PTPRM: variants seen among roughly 807,000 people sequenced by gnomAD.
The protein encoded by PTPRM is protein tyrosine phosphatase receptor type M, also known as receptor-type tyrosine-protein phosphatase mu.
A neutral mutation model predicts 186.7 loss-of-function variants in PTPRM; 47 were observed. The observed-to-expected ratio is 0.25, with a 90% CI of 0.20 to 0.32. The LOEUF (loss-of-function observed/expected upper bound fraction) is 0.32. Ranked by LOEUF, PTPRM falls within the 10% of genes least tolerant of loss-of-function variation. The pLI is 1.00. For synonymous variants in PTPRM, 668 were observed against 674.9 expected (o/e 0.99, Z 0.16); for missense variants, 1,494 against 1,865.0 (o/e 0.80, Z 3.66).
chr18:8,355,807 A>G (rs2095560442), intron 23 of PTPRM, among the ~76,000 whole-genome samples: 1 of 152,230 alleles, frequency 6.6e-6, no homozygotes, highest in South Asian at 2.1e-4. Flanking sequence ...AGGCTTACAA[A>G]AGATAGGAAA....
chr18:8,387,703 T>C (rs1305312339), intron 31 of PTPRM, among the ~76,000 whole-genome samples: 3 of 152,006 alleles, frequency 2.0e-5, no homozygotes, highest in African/African-American at 4.8e-5. Flanking sequence ...GATTATTCAA[T>C]TGGAAATCAT....
chr18:8,126,027 A>ATATATATTTTTTTT (rs57751538), intron 13 of PTPRM, among the ~76,000 whole-genome samples: 17 of 69,516 alleles, frequency 2.4e-4, no homozygotes, highest in African/African-American at 2.8e-4. Flanking sequence ...ATATATATAT[A>ATATATATTTTTTTT]TTTTAAATCA....
intron 2 of PTPRM, among the ~76,000 whole-genome samples, chr18:7,882,525 G>C (rs2048563482): frequency 1.3e-5 from 2 of 152,204 alleles, no homozygotes; most frequent in South Asian, 4.2e-4. Context: ...AAATTTAAAG[G>C]CATGGTCATA....
chr18:7,646,001 C>T (rs1288024203), intron 1 of PTPRM, among the ~76,000 whole-genome samples: 5 of 152,130 alleles, frequency 3.3e-5, no homozygotes, highest in Non-Finnish European at 7.4e-5. Flanking sequence ...TGCCCACAAC[C>T]TTTAGCCAGC....
At position 8,310,051 on chromosome 18, in the gene PTPRM, T is replaced by C. The variant is rs370460635; in HGVS notation, c.2843-4730T>C. 2.0e-5 allele frequency among the ~76,000 whole-genome samples: 3 copies of C among 152,166 alleles called. No homozygotes were observed. In the South Asian group the frequency reaches 6.2e-4, roughly 32 times the overall value. The stretch of plus-strand genomic sequence containing the variant: ...ATCACCCACCCCAAGCTGGCTTTTC[T>C]CCATGGTTCACATCTTAGTCAATGG... On this transcript the variant is annotated intron_variant, in intron 20 of 32. Coordinates refer to ENST00000580170, the MANE Select transcript of PTPRM (RefSeq NM_001105244.2).
intron 1 of PTPRM, among the ~76,000 whole-genome samples, chr18:7,647,110 G>C (rs2038583951): frequency 6.6e-6 from 1 of 152,112 alleles, no homozygotes; most frequent in Non-Finnish European, 1.5e-5. Context: ...AATGAATTCA[G>C]GGTACCATTT....
At position 8,406,183 on chromosome 18, in the gene PTPRM, A is replaced by G; in HGVS notation, c.*21A>G. The G allele has an allele frequency of 6.2e-7, 1 of 1,610,518 alleles. No individual in the cohort carries two copies. Among genetic ancestry groups the G allele is most frequent in the Non-Finnish European group, 8.5e-7 (1 of 1,177,072 alleles). ...GCTGATGGTGTAAACAGCTCTGCAAACAATCCCTTTCATACCACAAAGCCA... is the reference window on the plus strand; with the variant it reads ...GCTGATGGTGTAAACAGCTCTGCAAGCAATCCCTTTCATACCACAAAGCCA... On this transcript the variant is annotated 3_prime_UTR_variant, in exon 33 of 33. Coordinates refer to ENST00000580170, the MANE Select transcript of PTPRM (RefSeq NM_001105244.2).
chr18:7,896,936 G>A (rs1345007829), intron 3 of PTPRM, among the ~76,000 whole-genome samples: 1 of 152,158 alleles, frequency 6.6e-6, no homozygotes, highest in African/African-American at 2.4e-5. Context: ...TTTCTTTGCT[G>A]TATTTGCCTT....
chr18:8,135,949 GT>G lies in PTPRM; in HGVS notation c.2168-7693del, dbSNP rs532632727. On this transcript the variant is annotated intron_variant, in intron 13 of 32. Transcript: ENST00000580170. ...CAGACAGCAGGAAAAGCTCTAAGTG[GT>G]TTTTGCAAACAACAACTACTTTGTG... 5.9e-5 allele frequency among the ~76,000 whole-genome samples: 9 copies of G among 152,316 alleles called. No homozygotes were observed. In the South Asian group the frequency reaches 1.9e-3, roughly 32 times the overall value.
intron 22 of PTPRM, among the ~76,000 whole-genome samples, chr18:8,323,360 C>A (rs985903253): frequency 6.6e-6 from 1 of 152,062 alleles, no homozygotes; most frequent in Non-Finnish European, 1.5e-5. Context: ...TGCATGCTCA[C>A]CCCCCAAAAC....
chr18:7,866,577 T>C (rs879690242), intron 2 of PTPRM, among the ~76,000 whole-genome samples: 1 of 152,250 alleles, frequency 6.6e-6, no homozygotes, highest in Non-Finnish European at 1.5e-5. Flanking sequence ...TCCGTTCTTT[T>C]GCATATGCTG....
In PTPRM at chr18:8,260,996, TTG is replaced by T. The variant is rs200905853; in HGVS notation, c.2754+7586_2754+7587del. Among the ~76,000 whole-genome samples, 189 of 152,282 alleles carry T rather than the reference TTG, an allele frequency of 1.2e-3. 5 individuals carry two copies. The East Asian group carries it at 0.031, about 25-fold the overall frequency. On this transcript the variant is annotated intron_variant, in intron 19 of 32. Coordinates refer to ENST00000580170, the MANE Select transcript of PTPRM (RefSeq NM_001105244.2). ...AGGGGCAGGTGGAATCAAAGGCGCT[TTG>T]TGTTACTCAGCTGACAGAACATTGC...
At chr18:8,334,749 A>G (rs1452975294) in intron 22 of PTPRM, among the ~76,000 whole-genome samples, 1 of 152,184 alleles carries the variant, frequency 6.6e-6, no homozygotes, top group Non-Finnish European at 1.5e-5. Context: ...GTTTTGTTCA[A>G]TGGAAAGAGT....
chr18:8,347,550 T>C lies in PTPRM; in HGVS notation c.3054+4030T>C, dbSNP rs538919662. 3.0e-4 allele frequency among the ~76,000 whole-genome samples: 46 copies of C among 152,278 alleles called. No homozygotes were observed. The East Asian group carries it at 8.5e-3, about 28-fold the overall frequency. On this transcript the variant is annotated intron_variant, in intron 23 of 32. Coordinates refer to ENST00000580170, the MANE Select transcript of PTPRM (RefSeq NM_001105244.2). The stretch of plus-strand genomic sequence containing the variant: ...CAGGTTTCATTCAGAGCGACCTGGG[T>C]TTAGAAAAGGAATGAAAATGCTATG...
At chr18:7,718,589 G>T (rs2040387535) in intron 1 of PTPRM, among the ~76,000 whole-genome samples, 1 of 152,096 alleles carries the variant, frequency 6.6e-6, no homozygotes, top group Admixed American at 6.6e-5. Context: ...AAAAGCTTCG[G>T]CACAGCAAGA....
intron 7 of PTPRM, among the ~76,000 whole-genome samples, chr18:8,048,900 G>A (rs183217303): frequency 6.9e-4 from 105 of 152,266 alleles, no homozygotes; most frequent in African/African-American, 2.4e-3. Context: ...AGAGTGAATG[G>A]TTTGGGTTCT....
intron 7 of PTPRM, among the ~76,000 whole-genome samples, chr18:8,028,088 C>T (rs4380142): frequency 0.023 from 3,546 of 152,206 alleles, 141 homozygotes; most frequent in African/African-American, 0.081. Context: ...CAACAACCTC[C>T]GCCTCCCGAG....
chr18:7,765,571 A>T (rs949252456), intron 1 of PTPRM, among the ~76,000 whole-genome samples: 1 of 152,132 alleles, frequency 6.6e-6, no homozygotes, highest in African/African-American at 2.4e-5. Context: ...TAAAATAATT[A>T]TGTCTATTAA....
intron 7 of PTPRM, among the ~76,000 whole-genome samples, chr18:7,963,556 A>G (rs1359628015): frequency 6.6e-6 from 1 of 152,212 alleles, no homozygotes; most frequent in Non-Finnish European, 1.5e-5. Context: ...AACTTCCTCT[A>G]GGCTTGTTTT....
Sources: gnomAD v4.1 joint callset for allele counts (sites outside exome capture counted in the v4.1 genomes callset) on GRCh38, gnomAD v4.1.1 for gene constraint, MANE v1.5 for transcripts, NCBI Gene and HGNC (gene_info 2026-07-23, HGNC 2026-07-21) for gene names.